Variants in LRRC39 observed in about 807,000 individuals in gnomAD.
LRRC39 encodes the protein leucine-rich repeat-containing protein 39.
Under a neutral mutation model 39.7 loss-of-function variants are expected in LRRC39, and 35 were observed. That is an observed-to-expected ratio of 0.88 (90% CI 0.67 to 1.17). The LOEUF (loss-of-function observed/expected upper bound fraction) is 1.17. LRRC39 is among the 50% of genes most tolerant of loss of function. LRRC39 has a pLI of 0.00. For synonymous variants in LRRC39, 113 were observed against 134.1 expected, an observed-to-expected ratio of 0.84 and a Z score of 1.09; for missense variants, 357 against 385.8, an observed-to-expected ratio of 0.93 and a Z score of 0.62.
chr1:100,151,309 A>G (rs897946461), intron 9 of LRRC39, among the ~76,000 whole-genome samples: 1 of 151,924 alleles, frequency 6.6e-6, no homozygotes, highest in South Asian at 2.1e-4. Context: ...TCTTCATTCA[A>G]TTACCAATTC....
At position 100,160,520 on chromosome 1, in the gene LRRC39, C is replaced by T; in HGVS notation, c.165G>A (p.Lys55=). ...TGACTCTTCCATCTTCCCTGGTGAC[C>T]TTTTCTCTTAGCTTGGTTAAGCTTA... ...ERVSLTKLRE[K]VTREDGRVIL... The change falls in exon 4 of 10, where the codon AAG becomes AAA. Residue 55 remains lysine (K), a synonymous_variant. Transcript: ENST00000370137. 1 of 1,613,750 alleles carries T rather than the reference C, an allele frequency of 6.2e-7. No homozygotes were observed. The highest frequency in any genetic ancestry group is 2.2e-5 in the East Asian group (1 of 44,874).
At chr1:100,161,259 C>T (rs1658854698) in intron 3 of LRRC39, among the ~76,000 whole-genome samples, 1 of 152,196 alleles carries the variant, frequency 6.6e-6, no homozygotes, top group South Asian at 2.1e-4. Flanking sequence ...ACTCTCCATT[C>T]TTCCCTCTCA....
intron 7 of LRRC39, 81 bp from the exon 8 acceptor site, chr1:100,155,284 G>A (rs975043879): frequency 8.0e-7 from 1 of 1,250,398 alleles, no homozygotes; most frequent in Middle Eastern, 2.9e-4. Flanking sequence ...AATTTTAAGA[G>A]GTAGGGGTCT....
chr1:100,166,602 G>A (rs369348382), intron 3 of LRRC39, among the ~76,000 whole-genome samples: 1 of 152,280 alleles, frequency 6.6e-6, no homozygotes, highest in Non-Finnish European at 1.5e-5. Context: ...GGTATCTGAG[G>A]GAAGACATTT....
intron 2 of LRRC39, 122 bp from the exon 3 acceptor site, chr1:100,168,716 T>A: frequency 2.2e-6 from 1 of 464,062 alleles, no homozygotes; most frequent in Non-Finnish European, 3.7e-6. Context: ...ATACTTTACA[T>A]GCCATATCAT....
intron 7 of LRRC39, 113 bp downstream of exon 7, chr1:100,156,059 T>C (rs1658420761): frequency 1.1e-6 from 1 of 908,850 alleles, no homozygotes; most frequent in East Asian, 2.7e-5. Context: ...TATTTCAAAC[T>C]AGTTGGACCT....
chr1:100,174,912 G>C (rs72973734), intron 1 of LRRC39, among the ~76,000 whole-genome samples: 1 of 152,312 alleles, frequency 6.6e-6, no homozygotes, highest in African/African-American at 2.4e-5. Context: ...TTGGATCATG[G>C]AGGAGGATCC....
At position 100,152,503 on chromosome 1, in the gene LRRC39, G is replaced by A. The variant is rs1490245760; in HGVS notation, c.834C>T (p.Asn278=). ...ANLRFVNFRD[N]PLKLKVSLPP... is the part of the protein sequence containing the mutation. ...GAAGTGATACTTTCAATTTCAGTGGGTTGTCTCTGAAGTTGACAAACCTAG... is the reference window on the plus strand; with the variant it reads ...GAAGTGATACTTTCAATTTCAGTGGATTGTCTCTGAAGTTGACAAACCTAG... Residue 278 remains asparagine (N), a synonymous_variant, in exon 9 of 10, where the codon AAC becomes AAT. Transcript: ENST00000370137. The A allele has an allele frequency of 6.2e-7, 1 of 1,613,814 alleles. No individual in the cohort carries two copies.
In LRRC39 at chr1:100,168,604, C is replaced by A; in HGVS notation, c.-78-10G>T. 1 of 971,850 alleles carries A rather than the reference C, an allele frequency of 1.0e-6. No individual in the cohort carries two copies. The highest frequency in any genetic ancestry group is 1.6e-6 in the Non-Finnish European group (1 of 635,108). The allele number at this position is 971,850 out of a possible 1,614,324, so 60.2% of individuals were successfully genotyped here. On this transcript the variant is annotated splice_polypyrimidine_tract_variant and intron_variant, in intron 2 of 9. Coordinates refer to ENST00000370137, the MANE Select transcript of LRRC39 (RefSeq NM_144620.4). ...CCATTTCAGAAAGGACCTAAATGTA[C>A]CAGAGAAAAAAAGCAATGTTTCAGA...
chr1:100,159,600 CTTTTCCT>C (rs1658721463), intron 4 of LRRC39, among the ~76,000 whole-genome samples, 185 bp from the exon 5 acceptor site: 2 of 72,684 alleles, frequency 2.8e-5, no homozygotes, highest in Admixed American at 2.1e-4. Context: ...TTTTTTTTTT[CTTTTCCT>C]TTTTTTTTTT....
intron 5 of LRRC39, 151 bp from the exon 6 acceptor site, chr1:100,158,518 A>G: frequency 3.5e-6 from 2 of 571,524 alleles, no homozygotes; most frequent in East Asian, 3.7e-5. Context: ...GCTCACTGCA[A>G]GCTCCGCCTC....
At chr1:100,161,433 T>C (rs918844180) in intron 3 of LRRC39, among the ~76,000 whole-genome samples, 3 of 152,224 alleles carry the variant, frequency 2.0e-5, no homozygotes, top group African/African-American at 7.2e-5. Flanking sequence ...TAGTACTTCA[T>C]TTCTTTTTGT....
intron 3 of LRRC39, among the ~76,000 whole-genome samples, chr1:100,161,803 C>G (rs148880013): frequency 6.6e-6 from 1 of 152,102 alleles, no homozygotes; most frequent in Non-Finnish European, 1.5e-5. Context: ...TGCTCCACCA[C>G]GCCCAGCTAA....
intron 1 of LRRC39, among the ~76,000 whole-genome samples, chr1:100,174,364 C>G (rs1417345582): frequency 2.6e-5 from 4 of 151,522 alleles, no homozygotes. Flanking sequence ...GTGGCATGAT[C>G]TTGGCTCACT....
intron 3 of LRRC39, among the ~76,000 whole-genome samples, chr1:100,167,402 C>T (rs989607580): frequency 2.6e-5 from 4 of 152,106 alleles, no homozygotes; most frequent in African/African-American, 4.8e-5. Flanking sequence ...ACTTCCCTAT[C>T]GCCTAAACCA....
Position 100,160,450 on chromosome 1 carries a change from T to C in LRRC39, c.219+16A>G. The C allele has an allele frequency of 6.3e-7, 1 of 1,599,016 alleles. No homozygotes were observed. The highest frequency in any genetic ancestry group is 8.6e-7 in the Non-Finnish European group (1 of 1,168,916). On this transcript the variant is annotated intron_variant, in intron 4 of 9. Coordinates refer to ENST00000370137, the MANE Select transcript of LRRC39 (RefSeq NM_144620.4). ...AATGCAAAATGTGGAAAATCAAATATTCTATAAAAGCTTACCTTCCATTCC... is the reference window on the plus strand; with the variant it reads ...AATGCAAAATGTGGAAAATCAAATACTCTATAAAAGCTTACCTTCCATTCC...
At chr1:100,155,334 G>T in intron 7 of LRRC39, 131 bp from the exon 8 acceptor site, 1 of 764,334 alleles carries the variant, frequency 1.3e-6, no homozygotes, top group Non-Finnish European at 1.9e-6. Context: ...CCTGAGCTCA[G>T]GCTATTCTCC....
chr1:100,167,761 G>C (rs889737308), intron 3 of LRRC39, among the ~76,000 whole-genome samples: 4 of 147,630 alleles, frequency 2.7e-5, no homozygotes, highest in African/African-American at 1.0e-4. Flanking sequence ...GGGCGACAGA[G>C]TGAGTCTCCA....
intron 2 of LRRC39, among the ~76,000 whole-genome samples, chr1:100,171,528 G>A (rs1383143504): frequency 7.5e-6 from 1 of 133,176 alleles, no homozygotes; most frequent in Non-Finnish European, 1.6e-5. Context: ...TTTGAGACAT[G>A]GTCTCGTTCT....
Sources: allele counts gnomAD v4.1 joint callset (sites outside exome capture counted in the v4.1 genomes callset), GRCh38; gene constraint gnomAD v4.1.1; transcripts MANE v1.5; gene names NCBI Gene and HGNC (gene_info 2026-07-23, HGNC 2026-07-21).